Variants in FBXL17 observed in about 807,000 individuals in gnomAD.
The protein encoded by FBXL17 is F-box/LRR-repeat protein 17.
In FBXL17, 22 loss-of-function variants were observed where a neutral mutation model predicts 66.2. The ratio of observed to expected loss-of-function variants is 0.33; its 90% CI spans 0.24 to 0.47. The LOEUF is 0.47. Ranked by LOEUF, FBXL17 falls within the 20% of genes least tolerant of loss-of-function variation. The probability of loss-of-function intolerance (pLI) is 1.00; values close to 1 mark genes in which losing one functional copy is unlikely to be tolerated. For missense variants in FBXL17, 878 were observed against 948.2 expected, an observed-to-expected ratio of 0.93 and a Z score of 0.97; for synonymous variants, 474 against 400.5, an observed-to-expected ratio of 1.18 and a Z score of -2.19.
intron 4 of FBXL17, among the ~76,000 whole-genome samples, chr5:108,340,496 T>C (rs1190499286): frequency 6.6e-6 from 1 of 151,888 alleles, no homozygotes; most frequent in African/African-American, 2.4e-5. Context: ...CAAGTCAACA[T>C]AATTCTGACA....
chr5:108,045,828 A>T (rs1426427469), intron 6 of FBXL17, among the ~76,000 whole-genome samples: 1 of 152,176 alleles, frequency 6.6e-6, no homozygotes, highest in Non-Finnish European at 1.5e-5. Flanking sequence ...AGACAATACA[A>T]TCCATATGAT....
chr5:108,006,927 C>G (rs1047499195), intron 7 of FBXL17, among the ~76,000 whole-genome samples: 1 of 152,156 alleles, frequency 6.6e-6, no homozygotes, highest in Non-Finnish European at 1.5e-5. Context: ...GCATTCCAAA[C>G]CAACTTTTAA....
chr5:108,067,169 C>T (rs1291649423), intron 6 of FBXL17, among the ~76,000 whole-genome samples: 3 of 152,078 alleles, frequency 2.0e-5, no homozygotes, highest in Non-Finnish European at 2.9e-5. Flanking sequence ...ATTTACACAA[C>T]ATAGAAGAAA....
In FBXL17 at chr5:108,034,096, G is replaced by C. The variant is rs118064143; in HGVS notation, c.1746-13095C>G. Among the ~76,000 whole-genome samples the C allele has an allele frequency of 2.6e-3, 389 of 152,194 alleles. 12 individuals are homozygous for C. The East Asian group carries it at 0.066, about 26-fold the overall frequency. ...GCTAGTTCTTTGGGATATCTTCATG[G>C]TTAATTCTATTTATTTCATCACCTT... On this transcript the variant is annotated intron_variant, in intron 6 of 8. Coordinates refer to ENST00000542267, the MANE Select transcript of FBXL17 (RefSeq NM_001163315.3).
At chr5:108,011,753 G>A (rs756406106) in intron 7 of FBXL17, among the ~76,000 whole-genome samples, 1 of 152,240 alleles carries the variant, frequency 6.6e-6, no homozygotes, top group Non-Finnish European at 1.5e-5. Context: ...GAACCTGGGA[G>A]GTGGAGGTCG....
intron 6 of FBXL17, among the ~76,000 whole-genome samples, chr5:108,143,498 T>C (rs142710186): frequency 2.0e-5 from 3 of 152,248 alleles, no homozygotes; most frequent in African/African-American, 7.2e-5. Context: ...TTGGTCACAA[T>C]GGAACACTCA....
chr5:108,032,048 AAGAC>A (rs1217209750), intron 6 of FBXL17, among the ~76,000 whole-genome samples: 2 of 152,180 alleles, frequency 1.3e-5, no homozygotes, highest in Non-Finnish European at 2.9e-5. Context: ...TTTGGATACA[AAGAC>A]AGATAAATCT....
At chr5:107,981,329 T>G (rs1041608866) in intron 7 of FBXL17, among the ~76,000 whole-genome samples, 1 of 152,232 alleles carries the variant, frequency 6.6e-6, no homozygotes, top group Non-Finnish European at 1.5e-5. Context: ...CAGCCTAACA[T>G]TTTCTTCTTT....
chr5:108,075,523 C>G (rs1748508877), intron 6 of FBXL17, among the ~76,000 whole-genome samples: 1 of 152,300 alleles, frequency 6.6e-6, no homozygotes, highest in Admixed American at 6.5e-5. Context: ...GTTGCCCAGG[C>G]TGGAGTGCAA....
intron 7 of FBXL17, among the ~76,000 whole-genome samples, chr5:108,010,913 T>C (rs1754150994): frequency 6.6e-6 from 1 of 152,194 alleles, no homozygotes; most frequent in Non-Finnish European, 1.5e-5. Context: ...CATTCCTGCC[T>C]TTCCTAAATA....
chr5:107,994,890 C>T (rs1360643742), intron 7 of FBXL17, among the ~76,000 whole-genome samples: 2 of 151,910 alleles, frequency 1.3e-5, no homozygotes, highest in African/African-American at 2.4e-5. Context: ...TCTATAATGT[C>T]ACATATGTTT....
chr5:108,188,202 A>G (rs940149624), intron 5 of FBXL17, among the ~76,000 whole-genome samples: 1 of 152,184 alleles, frequency 6.6e-6, no homozygotes, highest in African/African-American at 2.4e-5. Flanking sequence ...GAGAAGCTAT[A>G]CAGAGAGAGT....
At chr5:107,943,041 T>C (rs770234811) in intron 7 of FBXL17, among the ~76,000 whole-genome samples, 2 of 152,172 alleles carry the variant, frequency 1.3e-5, no homozygotes, top group African/African-American at 2.4e-5. Context: ...CTCCTTGCCC[T>C]GCCTCTCTGG....
chr5:108,313,197 C>T lies in FBXL17; in HGVS notation c.1506+35202G>A, dbSNP rs1013941492. On this transcript the variant is annotated intron_variant, in intron 4 of 8. Coordinates refer to ENST00000542267, the MANE Select transcript of FBXL17 (RefSeq NM_001163315.3). Reference sequence around the variant, plus strand: ...ATACAGGTTTCTACCTGATGAATGACCTTTCCAACCATATTGAAGTACAGA... The same window carrying T: ...ATACAGGTTTCTACCTGATGAATGATCTTTCCAACCATATTGAAGTACAGA... Among the ~76,000 whole-genome samples the T allele has an allele frequency of 2.0e-5, 3 of 152,068 alleles. No homozygotes were observed. The East Asian group carries it at 5.8e-4, about 29-fold the overall frequency.
chr5:107,985,798 T>C (rs1752991426), intron 7 of FBXL17, among the ~76,000 whole-genome samples: 1 of 152,170 alleles, frequency 6.6e-6, no homozygotes, highest in South Asian at 2.1e-4. Flanking sequence ...TACAAATTGC[T>C]AATTTTAAAT....
At chr5:108,220,886 C>T (rs183889517) in intron 5 of FBXL17, among the ~76,000 whole-genome samples, 23 of 152,310 alleles carry the variant, frequency 1.5e-4, no homozygotes, top group Middle Eastern at 3.4e-3. Flanking sequence ...AAAGAACACA[C>T]TTGTGTTAGA....
At chr5:108,087,935 C>T (rs1005410161) in intron 6 of FBXL17, among the ~76,000 whole-genome samples, 7 of 152,044 alleles carry the variant, frequency 4.6e-5, no homozygotes, top group East Asian at 3.9e-4. Context: ...TCACCAGTTT[C>T]GCTTTTTTTA....
At chr5:108,058,856 G>T (rs1251100410) in intron 6 of FBXL17, among the ~76,000 whole-genome samples, 5 of 152,166 alleles carry the variant, frequency 3.3e-5, no homozygotes, top group Non-Finnish European at 2.9e-5. Context: ...TAGAAGGGCA[G>T]ATTTTAGCAA....
rs1274262098 is a variant in FBXL17 at position 108,312,083 on chromosome 5, A to AT, written c.1506+36315dup. ...ACACATTTCCAGGACTCAAAAAGAT[A>AT]TTTTTTTCTATAAAAACATTCTTAT... On this transcript the variant is annotated intron_variant, in intron 4 of 8. Transcript: ENST00000542267. Among the ~76,000 whole-genome samples, 19 of 151,950 alleles carry AT rather than the reference A, an allele frequency of 1.3e-4. 1 individual carries two copies. In the South Asian group the frequency reaches 1.9e-3, roughly 15 times the overall value.
Sources: gnomAD v4.1 joint callset for allele counts (sites outside exome capture counted in the v4.1 genomes callset) on GRCh38, gnomAD v4.1.1 for gene constraint, MANE v1.5 for transcripts, NCBI Gene and HGNC (gene_info 2026-07-23, HGNC 2026-07-21) for gene names.